The following DMC1 variants were observed in gnomAD, a reference collection of about 807,000 sequenced individuals.
DMC1 encodes the protein DNA meiotic recombinase 1, also known as meiotic recombination protein DMC1 homolog.
A neutral mutation model predicts 50.1 loss-of-function variants in DMC1; 27 were observed. The ratio of observed to expected loss-of-function variants is 0.54; its 90% CI spans 0.40 to 0.74. The LOEUF (loss-of-function observed/expected upper bound fraction) is 0.74, where lower values mean the gene tolerates loss of function less well. DMC1 is among the 30% of genes least tolerant of loss of function. The probability of loss-of-function intolerance (pLI) is 0.00; values close to 1 mark genes in which losing one functional copy is unlikely to be tolerated. For missense variants in DMC1, 295 were observed against 420.2 expected (o/e 0.70, Z 2.60); for synonymous variants, 148 against 136.1 (o/e 1.09, Z -0.61).
chr22:38,546,381 C>T (rs932086943), intron 8 of DMC1, among the ~76,000 whole-genome samples: 2 of 151,940 alleles, frequency 1.3e-5, no homozygotes, highest in African/African-American at 2.4e-5. Context: ...AAGAGTGAAA[C>T]TCCATCTCGA....
intron 5 of DMC1, among the ~76,000 whole-genome samples, chr22:38,559,895 G>A (rs184582191): frequency 1.3e-5 from 2 of 151,874 alleles, no homozygotes; most frequent in Non-Finnish European, 2.9e-5. Flanking sequence ...GCGGGCACCT[G>A]TAATCCCAGC....
At chr22:38,557,004 T>C (rs2090474901) in intron 5 of DMC1, among the ~76,000 whole-genome samples, 1 of 152,212 alleles carries the variant, frequency 6.6e-6, no homozygotes, top group East Asian at 1.9e-4. Context: ...CTTGGAAATC[T>C]TATAGGCCCA....
intron 3 of DMC1, 83 bp downstream of exon 3, chr22:38,567,499 AT>A: frequency 8.3e-7 from 1 of 1,199,600 alleles, no homozygotes; most frequent in South Asian, 1.2e-5. Flanking sequence ...GCAACAAAGA[AT>A]TATCCAGGCC....
At chr22:38,527,679 C>T (rs1042505474) in intron 12 of DMC1, among the ~76,000 whole-genome samples, 3 of 151,756 alleles carry the variant, frequency 2.0e-5, no homozygotes, top group Non-Finnish European at 4.4e-5. Context: ...ATCACCATAC[C>T]GGATAATTTT....
rs1291213526 is a variant in DMC1 at position 38,518,964 on chromosome 22, G to C, written c.*1056C>G. The C allele has an allele frequency of 2.6e-5, 4 of 152,184 alleles. No individual in the cohort carries two copies. Among genetic ancestry groups the C allele is most frequent in the Admixed American group, 6.6e-5 (1 of 15,218 alleles). 9.4% of individuals were successfully genotyped at this position (152,184 alleles called of 1,614,324 possible). A position where few individuals can be genotyped will look rare whatever the true frequency, so the allele number is the denominator to read the frequency against. ...CACCATACATGCATTTTGAAAACAGGATTTTATTTGTTTAACAATCAAAAT... is the reference window on the plus strand; with the variant it reads ...CACCATACATGCATTTTGAAAACAGCATTTTATTTGTTTAACAATCAAAAT... On this transcript the variant is annotated 3_prime_UTR_variant, in exon 14 of 14. Coordinates refer to ENST00000216024, the MANE Select transcript of DMC1 (RefSeq NM_007068.4).
intron 8 of DMC1, among the ~76,000 whole-genome samples, chr22:38,548,773 C>T (rs1297944198): frequency 3.3e-5 from 5 of 151,862 alleles, no homozygotes; most frequent in Admixed American, 6.6e-5. Flanking sequence ...ACTTGGGAAG[C>T]TGAGGTTGCA....
chr22:38,538,388 G>A lies in DMC1; in HGVS notation c.682C>T (p.Leu228Phe). ...CGGCCACTGAAATCCACTCGAAAAAGTGCCATTATTGAATCGATAATCTAC... is the reference window on the plus strand; with the variant it reads ...CGGCCACTGAAATCCACTCGAAAAAATGCCATTATTGAATCGATAATCTAC... The part of the protein sequence containing the change: ...KLLIIDSIMA[L>F]FRVDFSGRGE... The change falls in exon 11 of 14, where the codon CTT becomes TTT. Residue 228 changes from leucine to phenylalanine, a missense_variant. Coordinates refer to ENST00000216024, the MANE Select transcript of DMC1 (RefSeq NM_007068.4). 6.2e-7 allele frequency: 1 copy of A among 1,610,912 alleles called. No individual in the cohort carries two copies. Among genetic ancestry groups the A allele is most frequent in the Non-Finnish European group, 8.5e-7 (1 of 1,178,940 alleles).
downstream of DMC1, among the ~76,000 whole-genome samples, chr22:38,516,935 C>T (rs1476648043): frequency 1.3e-5 from 2 of 152,164 alleles, no homozygotes; most frequent in Admixed American, 1.3e-4. Flanking sequence ...AAGTGATTCT[C>T]CCATCTCAGC....
chr22:38,517,163 G>T (rs544528161), downstream of DMC1, among the ~76,000 whole-genome samples: 179 of 152,350 alleles, frequency 1.2e-3, no homozygotes, highest in Non-Finnish European at 2.1e-3. Flanking sequence ...GATGGCTGTA[G>T]ATTAGTTAGT....
chr22:38,538,476 G>C (rs1237064335), intron 10 of DMC1, 63 bp downstream of exon 10: 1 of 1,601,976 alleles, frequency 6.2e-7, no homozygotes, highest in African/African-American at 1.3e-5. Flanking sequence ...TTTGAATAGA[G>C]ATCAATAGAA....
At chr22:38,566,059 G>A (rs1276032314) in intron 4 of DMC1, among the ~76,000 whole-genome samples, 3 of 152,144 alleles carry the variant, frequency 2.0e-5, no homozygotes, top group South Asian at 2.1e-4. Context: ...GGCAGATCAC[G>A]AGGTCAGGAA....
intron 12 of DMC1, among the ~76,000 whole-genome samples, chr22:38,532,059 T>C (rs1422262358): frequency 1.3e-5 from 2 of 152,194 alleles, no homozygotes; most frequent in East Asian, 1.9e-4. Flanking sequence ...CTTTAACTTG[T>C]ACTGTTTTAT....
rs558396440 is a variant in DMC1 at position 38,567,623 on chromosome 22, G to T, written c.56C>A (p.Ser19Tyr). 6.2e-7 allele frequency: 1 copy of T among 1,606,988 alleles called. No homozygotes were observed. The change falls in exon 3 of 14, where the codon TCT becomes TAT. Residue 19 changes from serine to tyrosine, a missense_variant. Physicochemically the swap from Ser to Tyr is moderately radical, Grantham distance 144 (BLOSUM62 -2). Transcript: ENST00000216024. ...EEPGFQDEEE[S>Y]LFQDIDLLQK... ...TAACAGGTCAATATCTTGAAACAAA[G>T]ATTCCTAAAGGAGATGAAACAGAAA... is the stretch of plus-strand genomic sequence containing the variant.
chr22:38,562,258 T>TA (rs1352850694), intron 5 of DMC1, 29 bp downstream of exon 5: 1 of 1,377,274 alleles, frequency 7.3e-7, no homozygotes, highest in Non-Finnish European at 1.0e-6. Flanking sequence ...AGATTATGCT[T>TA]AGTGATTATA....
intron 5 of DMC1, among the ~76,000 whole-genome samples, chr22:38,560,360 T>C (rs959457794): frequency 5.9e-5 from 9 of 152,204 alleles, no homozygotes; most frequent in African/African-American, 1.9e-4. Context: ...GGCTGGTACA[T>C]AGAAAACTAG....
At chr22:38,518,714 T>C (rs893956891), downstream of DMC1, among the ~76,000 whole-genome samples, 1 of 151,998 alleles carries the variant, frequency 6.6e-6, no homozygotes, top group Non-Finnish European at 1.5e-5. Context: ...TGTATTTTTG[T>C]AGAGACGGGG....
chr22:38,543,912 T>C (rs1444862522), intron 8 of DMC1, among the ~76,000 whole-genome samples: 2 of 152,152 alleles, frequency 1.3e-5, no homozygotes, highest in African/African-American at 4.8e-5. Flanking sequence ...GCTTAGACTG[T>C]GCAGTCCAAC....
chr22:38,533,326 G>A (rs1284551807), intron 12 of DMC1, among the ~76,000 whole-genome samples: 1 of 150,702 alleles, frequency 6.6e-6, no homozygotes, highest in East Asian at 1.9e-4. Flanking sequence ...AACCTGGGAG[G>A]CGGAGCTTGC....
At chr22:38,565,305 A>G (rs1308401440) in intron 4 of DMC1, among the ~76,000 whole-genome samples, 1 of 152,132 alleles carries the variant, frequency 6.6e-6, no homozygotes, top group Admixed American at 6.6e-5. Context: ...ACCAGACCAA[A>G]TTGAGAACTA....
Sources: allele counts gnomAD v4.1 joint callset (sites outside exome capture counted in the v4.1 genomes callset), GRCh38; gene constraint gnomAD v4.1.1; transcripts MANE v1.5; gene names NCBI Gene and HGNC (gene_info 2026-07-23, HGNC 2026-07-21).